COL22A1: variants seen among roughly 807,000 people sequenced by gnomAD.
COL22A1 encodes collagen alpha-1(XXII) chain.
In COL22A1, 221 loss-of-function variants were observed where a neutral mutation model predicts 248.9. The observed-to-expected ratio is 0.89, with a 90% confidence interval of 0.80 to 0.99. The LOEUF (loss-of-function observed/expected upper bound fraction) is 0.99. COL22A1 is among the 50% of genes least tolerant of loss of function. The pLI is 0.00. For missense variants in COL22A1, 2,240 were observed against 2,179.0 expected (o/e 1.03, Z -0.56); for synonymous variants, 891 against 793.4 (o/e 1.12, Z -2.07).
intron 44 of COL22A1, among the ~76,000 whole-genome samples, chr8:138,660,182 A>T (rs1237328830): frequency 6.6e-6 from 1 of 152,162 alleles, no homozygotes; most frequent in Non-Finnish European, 1.5e-5. Context: ...TTGACCCATG[A>T]CCGAGCTCCT....
intron 25 of COL22A1, among the ~76,000 whole-genome samples, chr8:138,723,735 C>A (rs962155688): frequency 3.9e-5 from 6 of 152,216 alleles, no homozygotes; most frequent in African/African-American, 1.2e-4. Flanking sequence ...GAGTGCCCAG[C>A]GCGGCACTGA....
At chr8:138,660,881 C>T (rs1002687073) in intron 43 of COL22A1, among the ~76,000 whole-genome samples, 1 of 59,764 alleles carries the variant, frequency 1.7e-5, no homozygotes, top group Admixed American at 1.6e-4. Context: ...CACAGACACA[C>T]ACATACACAG....
At chr8:138,635,115 A>G (rs1275949157) in intron 48 of COL22A1, 52 bp from the exon 49 acceptor site, 1 of 1,426,434 alleles carries the variant, frequency 7.0e-7, no homozygotes, top group Non-Finnish European at 9.7e-7. Context: ...AATACTTTTT[A>G]CTTTGTGCAA....
chr8:138,616,451 G>A (rs977398083), intron 54 of COL22A1, among the ~76,000 whole-genome samples: 1 of 152,162 alleles, frequency 6.6e-6, no homozygotes, highest in African/African-American at 2.4e-5. Flanking sequence ...CTTCCATTCT[G>A]GGCATTCAGA....
intron 22 of COL22A1, among the ~76,000 whole-genome samples, chr8:138,742,202 A>C (rs1831642818): frequency 7.2e-6 from 1 of 138,614 alleles, no homozygotes; most frequent in South Asian, 2.5e-4. Context: ...GGTAATAGTG[A>C]TCGTGATGGT....
chr8:138,854,013 T>A (rs7837088), intron 3 of COL22A1, among the ~76,000 whole-genome samples: 92,170 of 151,612 alleles, frequency 0.61, 28,394 homozygotes, highest in East Asian at 0.74. Context: ...GGAGACCCTT[T>A]AGAACCCCTT....
chr8:138,686,065 A>G (rs1248099534), intron 37 of COL22A1, among the ~76,000 whole-genome samples: 2 of 152,114 alleles, frequency 1.3e-5, no homozygotes, highest in Non-Finnish European at 2.9e-5. Flanking sequence ...ACATTTCTTT[A>G]TACTCAACCT....
At chr8:138,720,415 C>T (rs1007181650) in intron 27 of COL22A1, among the ~76,000 whole-genome samples, 3 of 152,036 alleles carry the variant, frequency 2.0e-5, no homozygotes, top group East Asian at 1.9e-4. Context: ...CCCAAGGCCA[C>T]GGCTCTCAAG....
intron 50 of COL22A1, among the ~76,000 whole-genome samples, chr8:138,627,227 T>G (rs1820317450): frequency 6.6e-6 from 1 of 152,200 alleles, no homozygotes; most frequent in Admixed American, 6.5e-5. Flanking sequence ...TTATTGATAA[T>G]GGAGCTTCCT....
Position 138,660,423 on chromosome 8 carries a change from T to C in COL22A1, c.3285+13A>G. 6.2e-7 allele frequency: 1 copy of C among 1,610,448 alleles called. No individual in the cohort carries two copies. On this transcript the variant is annotated intron_variant, in intron 44 of 64. Transcript: ENST00000303045. ...GATAGTCAATATTCATCCAGAACCATAAGATGACATACCGGCTTGCCAGGA... is the reference window on the plus strand; with the variant it reads ...GATAGTCAATATTCATCCAGAACCACAAGATGACATACCGGCTTGCCAGGA...
intron 41 of COL22A1, among the ~76,000 whole-genome samples, chr8:138,675,942 C>A (rs752311410): frequency 3.3e-5 from 5 of 152,136 alleles, no homozygotes; most frequent in Non-Finnish European, 7.3e-5. Flanking sequence ...CCTTCTATTT[C>A]TAGAGGCATT....
rs570270716 is a variant in COL22A1, at chr8:138,618,898, T to G, written c.3825+557A>C. Among the ~76,000 whole-genome samples, 79 of 152,264 alleles carry G rather than the reference T, an allele frequency of 5.2e-4. No individual in the cohort carries two copies. In the Middle Eastern group the frequency reaches 0.014, roughly 26 times the overall value. On this transcript the variant is annotated intron_variant, in intron 53 of 64. Transcript: ENST00000303045. The stretch of plus-strand genomic sequence containing the variant: ...TGTGTCTGTTTATATGTATAATAGC[T>G]AGACATAGATGTACATATATAGATG...
rs2292929 is a variant in COL22A1 at position 138,883,197 on chromosome 8, C to G, written c.-25G>C. 4.5e-6 allele frequency: 7 copies of G among 1,554,426 alleles called. No homozygotes were observed. The African/African-American group carries it at 6.8e-5, about 15-fold the overall frequency. On this transcript the variant is annotated 5_prime_UTR_variant, in exon 2 of 65. Transcript: ENST00000303045. ...TGGCTCTCCTGTTCTTGGGGACAGG[C>G]TTCTCTTGGCCAGGAAGAGACGCTG...
chr8:138,590,370 C>T (rs1218397092), intron 64 of COL22A1, among the ~76,000 whole-genome samples: 3 of 152,078 alleles, frequency 2.0e-5, no homozygotes, highest in Non-Finnish European at 4.4e-5. Flanking sequence ...CAGTGTTATT[C>T]ATTCCTTGGG....
intron 27 of COL22A1, among the ~76,000 whole-genome samples, chr8:138,718,334 T>G (rs1015938531): frequency 2.6e-5 from 4 of 152,216 alleles, no homozygotes; most frequent in Admixed American, 6.5e-5. Flanking sequence ...GCTTTCAATC[T>G]GCTAGAATAG....
chr8:138,611,572 A>T (rs1435182175), intron 56 of COL22A1, among the ~76,000 whole-genome samples: 3 of 152,196 alleles, frequency 2.0e-5, no homozygotes, highest in Admixed American at 2.0e-4. Flanking sequence ...TCTCCGTATG[A>T]AGTTTTAATA....
chr8:138,809,052 G>A (rs1673495473), intron 9 of COL22A1, among the ~76,000 whole-genome samples: 1 of 137,888 alleles, frequency 7.3e-6, no homozygotes, highest in Non-Finnish European at 1.6e-5. Context: ...GACTTCCTAG[G>A]CCCCCTGTGT....
At chr8:138,691,818 G>A (rs1314002321) in intron 35 of COL22A1, among the ~76,000 whole-genome samples, 1 of 151,374 alleles carries the variant, frequency 6.6e-6, no homozygotes, top group African/African-American at 2.4e-5. Flanking sequence ...GTGTGTGCAT[G>A]TTTGTGGAGG....
chr8:138,909,076 T>C (rs1280505571), intron 1 of COL22A1, among the ~76,000 whole-genome samples: 2 of 152,356 alleles, frequency 1.3e-5, no homozygotes, highest in East Asian at 3.9e-4. Context: ...GGGCCTATCA[T>C]AGTCATAATT....
Sources: gnomAD v4.1 joint callset for allele counts (sites outside exome capture counted in the v4.1 genomes callset) on GRCh38, gnomAD v4.1.1 for gene constraint, MANE v1.5 for transcripts, NCBI Gene and HGNC (gene_info 2026-07-23, HGNC 2026-07-21) for gene names.